Variants in STARD13 observed in about 807,000 individuals in gnomAD.
STARD13 encodes StAR related lipid transfer domain containing 13.
In STARD13, 62 loss-of-function variants were observed where a neutral mutation model predicts 106.4. The ratio of observed to expected loss-of-function variants is 0.58; its 90% CI spans 0.48 to 0.72. The LOEUF (loss-of-function observed/expected upper bound fraction) is 0.72, where lower values mean the gene tolerates loss of function less well. STARD13 is among the 30% of genes least tolerant of loss of function. The pLI is 0.00. For synonymous variants in STARD13, 565 were observed against 553.0 expected, an observed-to-expected ratio of 1.02 and a Z score of -0.31; for missense variants, 1,387 against 1,424.0, an observed-to-expected ratio of 0.97 and a Z score of 0.42.
intron 1 of STARD13, chr13:33,206,174 G>T: frequency 9.1e-6 from 2 of 219,866 alleles, no homozygotes; most frequent in Non-Finnish European, 1.5e-5. Context: ...AGGAAACGCT[G>T]CCAGTCTATC....
At chr13:33,295,099 A>C (rs1892437732) in intron 1 of STARD13, among the ~76,000 whole-genome samples, 1 of 152,160 alleles carries the variant, frequency 6.6e-6, no homozygotes, top group Non-Finnish European at 1.5e-5. Context: ...GAATAATGCA[A>C]TTGCATTTCT....
the STARD13 span, among the ~76,000 whole-genome samples, chr13:33,616,434 C>T: frequency 7.6e-4 from 115 of 152,284 alleles, no homozygotes; most frequent in African/African-American, 1.7e-3. Context: ...TCTGCTCTTC[C>T]GCATATTTTC....
At chr13:33,334,691 A>G (rs1416504974) in intron 1 of STARD13, among the ~76,000 whole-genome samples, 1 of 152,216 alleles carries the variant, frequency 6.6e-6, no homozygotes, top group Admixed American at 6.5e-5. Flanking sequence ...GTAGGCAGAG[A>G]GAGAGATAAA....
At chr13:33,565,472 C>A in the STARD13 span, among the ~76,000 whole-genome samples, 2 of 147,530 alleles carry the variant, frequency 1.4e-5, 1 homozygote, top group Non-Finnish European at 3.0e-5. Context: ...AAATATAAAT[C>A]AATTTAAAAA....
chr13:33,158,626 G>A (rs1228117771), intron 3 of STARD13: 1 of 152,258 alleles, frequency 6.6e-6, no homozygotes, highest in Non-Finnish European at 1.5e-5. Context: ...TGGTGCACAA[G>A]GAAGAAAACA....
In STARD13 at chr13:33,109,906, G is replaced by A; in HGVS notation, c.3014C>T (p.Ala1005Val). Residue 1005 changes from alanine to valine, a missense_variant, in exon 12 of 14, where the codon GCT (alanine) becomes GTT (valine). By Grantham distance (64) the Ala-to-Val change is moderately conservative (BLOSUM62 0). Transcript: ENST00000336934. ...CACAAAGTCTCTGGAAGGATGGGGA[G>A]CCATGCTGTTCAGCACATACTGGTA... is the stretch of plus-strand genomic sequence containing the variant. ...EIYQYVLNSM[A>V]PHPSRDFVVL... The A allele has an allele frequency of 6.2e-7, 1 of 1,614,262 alleles. No homozygotes were observed. Among genetic ancestry groups the A allele is most frequent in the African/African-American group, 1.3e-5 (1 of 75,080 alleles).
intron 1 of STARD13, among the ~76,000 whole-genome samples, chr13:33,311,148 AT>A (rs958937958): frequency 1.3e-5 from 2 of 149,204 alleles, no homozygotes; most frequent in African/African-American, 2.5e-5. Flanking sequence ...AAAAAAAAAA[AT>A]AGTTGGGTGT....
At chr13:33,541,567 T>C in the STARD13 span, among the ~76,000 whole-genome samples, 1 of 152,228 alleles carries the variant, frequency 6.6e-6, no homozygotes, top group Non-Finnish European at 1.5e-5. Flanking sequence ...ATACACTTAT[T>C]TGGCAATTTC....
chr13:33,465,046 T>TCCTGTC, the STARD13 span, among the ~76,000 whole-genome samples: 28 of 152,142 alleles, frequency 1.8e-4, no homozygotes, highest in African/African-American at 6.5e-4. Context: ...ATAGCCAATG[T>TCCTGTC]ATTATCAAGT....
chr13:33,610,001 G>A, the STARD13 span, among the ~76,000 whole-genome samples: 5 of 152,202 alleles, frequency 3.3e-5, no homozygotes, highest in East Asian at 1.9e-4. Flanking sequence ...GAATAGAATC[G>A]ATTTAAAAAA....
the STARD13 span, among the ~76,000 whole-genome samples, chr13:33,539,522 G>A: frequency 6.6e-6 from 1 of 152,190 alleles, no homozygotes; most frequent in Non-Finnish European, 1.5e-5. Context: ...AATACAGTGT[G>A]GGACTGGGTT....
chr13:33,255,830 T>C (rs1443603848), intron 1 of STARD13, among the ~76,000 whole-genome samples: 1 of 152,198 alleles, frequency 6.6e-6, no homozygotes, highest in African/African-American at 2.4e-5. Flanking sequence ...TTCTATCTAC[T>C]CTGAGTTGAG....
At chr13:33,196,465 G>A (rs753947132) in intron 1 of STARD13, among the ~76,000 whole-genome samples, 2 of 152,198 alleles carry the variant, frequency 1.3e-5, no homozygotes, top group African/African-American at 4.8e-5. Flanking sequence ...ATCAGGATAT[G>A]ATAGGAGGCG....
chr13:33,347,807 T>C (rs747817893), downstream of STARD13, among the ~76,000 whole-genome samples: 1 of 152,222 alleles, frequency 6.6e-6, no homozygotes, highest in Non-Finnish European at 1.5e-5. Context: ...TGTAAAGTGA[T>C]GCGTGCTGTG....
At chr13:33,329,991 A>G (rs55884516) in intron 1 of STARD13, among the ~76,000 whole-genome samples, 2,834 of 152,302 alleles carry the variant, frequency 0.019, 73 homozygotes, top group Admixed American at 0.066. Context: ...GGCGTGAGCC[A>G]CCGCTCCTGG....
At chr13:33,521,784 T>C in the STARD13 span, among the ~76,000 whole-genome samples, 3 of 152,074 alleles carry the variant, frequency 2.0e-5, no homozygotes, top group Non-Finnish European at 4.4e-5. Flanking sequence ...TCTGTCCCTA[T>C]CATGAATGAG....
chr13:33,653,650 C>G, the STARD13 span, among the ~76,000 whole-genome samples: 1 of 149,562 alleles, frequency 6.7e-6, no homozygotes, highest in South Asian at 2.1e-4. Flanking sequence ...ACCAAAAGTA[C>G]AAGCAGCAAA....
At chr13:33,536,198 T>C in the STARD13 span, among the ~76,000 whole-genome samples, 1 of 152,182 alleles carries the variant, frequency 6.6e-6, no homozygotes, top group Non-Finnish European at 1.5e-5. Flanking sequence ...AAAACAGAAA[T>C]GGCAAATAAG....
chr13:33,265,020 A>C (rs1384188244), intron 1 of STARD13, among the ~76,000 whole-genome samples: 1 of 152,208 alleles, frequency 6.6e-6, no homozygotes, highest in Admixed American at 6.5e-5. Context: ...GGTGCTAATG[A>C]GCACAGAGAT....
Sources: gnomAD v4.1 joint callset for allele counts (sites outside exome capture counted in the v4.1 genomes callset) on GRCh38, gnomAD v4.1.1 for gene constraint, MANE v1.5 for transcripts, NCBI Gene and HGNC (gene_info 2026-07-23, HGNC 2026-07-21) for gene names.